The following DCAF6 variants were observed in gnomAD, a reference collection of about 807,000 sequenced individuals.
The protein encoded by DCAF6 is DDB1- and CUL4-associated factor 6.
Under a neutral mutation model 125.1 loss-of-function variants are expected in DCAF6, and 54 were observed. That is an observed-to-expected ratio of 0.43 (90% CI 0.35 to 0.54). The LOEUF is 0.54. Among genes scored for constraint, DCAF6 ranks in the 20% least tolerant of loss-of-function variants. DCAF6 has a pLI of 0.01. For synonymous variants in DCAF6, 371 were observed against 390.4 expected (o/e 0.95, Z 0.58); for missense variants, 934 against 1,161.7 (o/e 0.80, Z 2.85).
chr1:167,936,619 T>G (rs1243142627), upstream of DCAF6: 2 of 362,786 alleles, frequency 5.5e-6, no homozygotes, highest in Non-Finnish European at 1.0e-5. Flanking sequence ...GGAGTCGCCA[T>G]CGCCTCCGCC....
intron 12 of DCAF6, among the ~76,000 whole-genome samples, chr1:168,032,674 A>C (rs1382547045): frequency 6.6e-6 from 1 of 152,222 alleles, no homozygotes; most frequent in Non-Finnish European, 1.5e-5. Flanking sequence ...AATCATACAC[A>C]CATCGTTATA....
At chr1:168,049,947 AC>A (rs760210937) in intron 16 of DCAF6, among the ~76,000 whole-genome samples, 1 of 148,796 alleles carries the variant, frequency 6.7e-6, no homozygotes, top group Non-Finnish European at 1.5e-5. Flanking sequence ...GAGCCACCGC[AC>A]CCAGGCTGTA....
At chr1:168,032,859 A>G (rs1358200190) in intron 12 of DCAF6, among the ~76,000 whole-genome samples, 2 of 152,178 alleles carry the variant, frequency 1.3e-5, no homozygotes, top group Non-Finnish European at 2.9e-5. Flanking sequence ...CTAGTTAATT[A>G]TCTTCATTTT....
intron 11 of DCAF6, 134 bp downstream of exon 11, chr1:168,016,085 A>G (rs1684936204): frequency 3.0e-6 from 2 of 660,330 alleles, no homozygotes; most frequent in Admixed American, 5.3e-5. Context: ...CTTTCCTTGC[A>G]TATGGGTGGT....
intron 3 of DCAF6, among the ~76,000 whole-genome samples, chr1:167,973,544 T>G (rs1469841300): frequency 6.6e-6 from 1 of 152,200 alleles, no homozygotes; most frequent in Non-Finnish European, 1.5e-5. Flanking sequence ...TAATTTACAT[T>G]CTTCAGTAAA....
the DCAF6 span, among the ~76,000 whole-genome samples, chr1:167,876,793 T>A: frequency 6.6e-6 from 1 of 152,196 alleles, no homozygotes; most frequent in Non-Finnish European, 1.5e-5. Flanking sequence ...CTCAGCCTTG[T>A]GAATGCTTTT....
chr1:167,944,212 A>G (rs894157486), intron 1 of DCAF6, among the ~76,000 whole-genome samples: 2 of 152,176 alleles, frequency 1.3e-5, no homozygotes, highest in African/African-American at 4.8e-5. Flanking sequence ...TTACCTGTTC[A>G]TCCATTGATG....
At chr1:168,025,892 A>AT (rs1194296024) in intron 12 of DCAF6, among the ~76,000 whole-genome samples, 1 of 152,128 alleles carries the variant, frequency 6.6e-6, no homozygotes, top group African/African-American at 2.4e-5. Flanking sequence ...ACATGACTTG[A>AT]TTTCTGTATC....
rs774165192 is a variant in DCAF6, at chr1:168,038,501, T to C, written c.1727+13T>C. The C allele has an allele frequency of 6.5e-7, 1 of 1,536,818 alleles. No homozygotes were observed. Among genetic ancestry groups the C allele is most frequent in the East Asian group, 2.3e-5 (1 of 43,972 alleles). On this transcript the variant is annotated intron_variant, in intron 13 of 21. Transcript: ENST00000367840. ...TTACAGATGAATGGTAAGTTAATATTTTTGTAAAGATGTTCTTAGCCATTT... is the reference window on the plus strand; with the variant it reads ...TTACAGATGAATGGTAAGTTAATATCTTTGTAAAGATGTTCTTAGCCATTT...
At chr1:167,934,586 A>G (rs1241736624), upstream of DCAF6, among the ~76,000 whole-genome samples, 1 of 152,356 alleles carries the variant, frequency 6.6e-6, no homozygotes, top group East Asian at 1.9e-4. Flanking sequence ...CAGATGTTCA[A>G]TTCATTCCAT....
intron 10 of DCAF6, among the ~76,000 whole-genome samples, chr1:168,013,537 A>C (rs1684571381): frequency 6.6e-6 from 1 of 152,132 alleles, no homozygotes; most frequent in Non-Finnish European, 1.5e-5. Context: ...CTTTGATTAT[A>C]ATTAATGAGG....
At chr1:167,939,652 C>A (rs890305236) in intron 1 of DCAF6, among the ~76,000 whole-genome samples, 1 of 151,954 alleles carries the variant, frequency 6.6e-6, no homozygotes, top group Non-Finnish European at 1.5e-5. Context: ...AGTCTCAGCT[C>A]CTTGGGAGGC....
the DCAF6 span, among the ~76,000 whole-genome samples, chr1:167,924,717 C>T: frequency 1.3e-5 from 2 of 152,122 alleles, no homozygotes; most frequent in Admixed American, 6.5e-5. Flanking sequence ...CACAGTATCA[C>T]AGTACAGTTG....
chr1:167,972,737 G>C (rs1677527497), intron 3 of DCAF6, among the ~76,000 whole-genome samples: 1 of 152,218 alleles, frequency 6.6e-6, no homozygotes, highest in Non-Finnish European at 1.5e-5. Context: ...TTGATCAACT[G>C]TATGGGTGGA....
intron 1 of DCAF6, among the ~76,000 whole-genome samples, chr1:167,938,144 C>G (rs1425446700): frequency 6.6e-6 from 1 of 152,190 alleles, no homozygotes; most frequent in African/African-American, 2.4e-5. Flanking sequence ...TTTGATCCCT[C>G]CCATTCAATT....
intron 2 of DCAF6, among the ~76,000 whole-genome samples, chr1:167,959,656 C>T (rs1160074615): frequency 6.6e-6 from 1 of 152,156 alleles, no homozygotes; most frequent in African/African-American, 2.4e-5. Flanking sequence ...TTCATATGCT[C>T]GTTTGCAATC....
intron 11 of DCAF6, among the ~76,000 whole-genome samples, chr1:168,017,449 A>C (rs1685132090): frequency 6.6e-6 from 1 of 152,112 alleles, no homozygotes; most frequent in Non-Finnish European, 1.5e-5. Context: ...TGTTGGAAAA[A>C]TATTTTGAGA....
intron 3 of DCAF6, among the ~76,000 whole-genome samples, chr1:167,972,791 A>G (rs943094711): frequency 2.0e-5 from 3 of 152,168 alleles, no homozygotes; most frequent in Non-Finnish European, 2.9e-5. Flanking sequence ...AGGGGAGTGT[A>G]TTTTGAGAGG....
chr1:167,930,210 T>C, the DCAF6 span, among the ~76,000 whole-genome samples: 2 of 152,194 alleles, frequency 1.3e-5, no homozygotes, highest in African/African-American at 2.4e-5. Flanking sequence ...ATAATGTTTT[T>C]AAAAATGTTG....
Sources: gnomAD v4.1 joint callset for allele counts (sites outside exome capture counted in the v4.1 genomes callset) on GRCh38, gnomAD v4.1.1 for gene constraint, MANE v1.5 for transcripts, NCBI Gene and HGNC (gene_info 2026-07-23, HGNC 2026-07-21) for gene names.